The following CFDP1 variants were observed in gnomAD, a reference collection of about 807,000 sequenced individuals.
The protein encoded by CFDP1 is heterochromatin-stabilizing protein CFDP1.
In CFDP1, 31 loss-of-function variants were observed where a neutral mutation model predicts 40.1. The ratio of observed to expected loss-of-function variants is 0.77; its 90% CI spans 0.58 to 1.04. The LOEUF (loss-of-function observed/expected upper bound fraction) is 1.04, where lower values mean the gene tolerates loss of function less well. Among genes scored for constraint, CFDP1 ranks in the 50% least tolerant of loss-of-function variants. The pLI is 0.00. For synonymous variants in CFDP1, 167 were observed against 120.0 expected, an observed-to-expected ratio of 1.39 and a Z score of -2.56; for missense variants, 423 against 343.4, an observed-to-expected ratio of 1.23 and a Z score of -1.83.
intron 1 of CFDP1, among the ~76,000 whole-genome samples, chr16:75,415,157 A>C (rs757388967): frequency 6.6e-6 from 1 of 152,244 alleles, no homozygotes; most frequent in Admixed American, 6.5e-5. Flanking sequence ...TCAATAAAAG[A>C]AGTTTAAAAG....
chr16:75,384,852 C>CAATATATATATATATATATATATA (rs1555561750), intron 5 of CFDP1, among the ~76,000 whole-genome samples: 2 of 119,956 alleles, frequency 1.7e-5, no homozygotes, highest in Non-Finnish European at 3.4e-5. Flanking sequence ...GAAACTAAAA[C>CAATATATATATATATATATATATA]TATATATATA....
chr16:75,369,755 G>A (rs1291029464), intron 5 of CFDP1, among the ~76,000 whole-genome samples: 1 of 151,998 alleles, frequency 6.6e-6, no homozygotes, highest in Non-Finnish European at 1.5e-5. Flanking sequence ...CTTACTTACT[G>A]TATTTATTTG....
At chr16:75,408,131 AGAGG>A (rs1050316266) in intron 4 of CFDP1, among the ~76,000 whole-genome samples, 4 of 137,896 alleles carry the variant, frequency 2.9e-5, no homozygotes, top group Non-Finnish European at 3.1e-5. Context: ...AGGAAGGGAG[AGAGG>A]GAGGGAGGGA....
At chr16:75,326,675 C>T (rs1034353213) in intron 5 of CFDP1, among the ~76,000 whole-genome samples, 9 of 152,086 alleles carry the variant, frequency 5.9e-5, no homozygotes, top group Non-Finnish European at 1.0e-4. Context: ...CTGGTAAGAA[C>T]GTCAGGGATA....
chr16:75,392,190 A>G (rs189416299), intron 5 of CFDP1, among the ~76,000 whole-genome samples: 1 of 151,846 alleles, frequency 6.6e-6, no homozygotes, highest in Non-Finnish European at 1.5e-5. Context: ...TGGATCACGA[A>G]GTCAGGAGTT....
intron 5 of CFDP1, among the ~76,000 whole-genome samples, chr16:75,367,392 G>T (rs952514155): frequency 6.9e-6 from 1 of 145,574 alleles, no homozygotes; most frequent in Non-Finnish European, 1.5e-5. Context: ...ATGTACCTAT[G>T]TAACAAACCT....
chr16:75,368,911 C>T (rs1029901392), intron 5 of CFDP1, among the ~76,000 whole-genome samples: 6 of 152,056 alleles, frequency 3.9e-5, no homozygotes, highest in African/African-American at 1.4e-4. Flanking sequence ...GATACTTACA[C>T]ATTTTCATTG....
At chr16:75,348,836 T>C (rs1042480719) in intron 5 of CFDP1, among the ~76,000 whole-genome samples, 4 of 152,176 alleles carry the variant, frequency 2.6e-5, no homozygotes, top group African/African-American at 9.6e-5. Context: ...CCTATTCTTT[T>C]TGATGCTTTT....
At chr16:75,429,482 C>T (rs573386524) in intron 1 of CFDP1, among the ~76,000 whole-genome samples, 21 of 152,224 alleles carry the variant, frequency 1.4e-4, no homozygotes, top group Non-Finnish European at 2.4e-4. Flanking sequence ...GGTGAAACCC[C>T]GTCTCTACTA....
intron 4 of CFDP1, among the ~76,000 whole-genome samples, chr16:75,398,187 C>T (rs1286800258): frequency 6.6e-6 from 1 of 152,242 alleles, no homozygotes; most frequent in East Asian, 1.9e-4. Flanking sequence ...TGGTGTGCTA[C>T]ACAGCACTAC....
At chr16:75,376,733 G>A (rs1286666585) in intron 5 of CFDP1, among the ~76,000 whole-genome samples, 1 of 152,148 alleles carries the variant, frequency 6.6e-6, no homozygotes, top group Non-Finnish European at 1.5e-5. Flanking sequence ...TTGATGACTA[G>A]CTAAAACAGG....
At chr16:75,428,933 G>A (rs933738617) in intron 1 of CFDP1, among the ~76,000 whole-genome samples, 1 of 151,604 alleles carries the variant, frequency 6.6e-6, no homozygotes, top group Non-Finnish European at 1.5e-5. Flanking sequence ...TGGCCAACAT[G>A]GTGAAATCCC....
chr16:75,319,293 C>T (rs543994893), intron 5 of CFDP1, among the ~76,000 whole-genome samples: 2 of 152,056 alleles, frequency 1.3e-5, no homozygotes, highest in Non-Finnish European at 2.9e-5. Context: ...CCACCTACCT[C>T]GGCCTCCCAA....
chr16:75,401,255 C>G (rs918930363), intron 4 of CFDP1, among the ~76,000 whole-genome samples: 1 of 151,950 alleles, frequency 6.6e-6, no homozygotes, highest in Non-Finnish European at 1.5e-5. Context: ...AGTGAAACCC[C>G]GTCTCTACTA....
chr16:75,432,526 A>G (rs1424987907), intron 1 of CFDP1, among the ~76,000 whole-genome samples: 2 of 151,990 alleles, frequency 1.3e-5, no homozygotes, highest in Non-Finnish European at 2.9e-5. Context: ...ACTCCAGCCT[A>G]GACAACAGCA....
At chr16:75,311,350 C>A (rs997182289) in intron 5 of CFDP1, among the ~76,000 whole-genome samples, 5 of 152,122 alleles carry the variant, frequency 3.3e-5, no homozygotes, top group African/African-American at 1.2e-4. Flanking sequence ...GCTATTTTGC[C>A]CAGGCTGGTC....
At chr16:75,356,902 GCTTT>G (rs369482458) in intron 5 of CFDP1, among the ~76,000 whole-genome samples, 54,574 of 127,546 alleles carry the variant, frequency 0.43, 12,523 homozygotes, top group Admixed American at 0.56. Context: ...GGAAACAGCT[GCTTT>G]CTTTCTTTTT....
At chr16:75,301,566 G>GTTTTTTTTTTT (rs2078222291) in intron 6 of CFDP1, among the ~76,000 whole-genome samples, 1 of 50,922 alleles carries the variant, frequency 2.0e-5, no homozygotes, top group African/African-American at 8.5e-5. Flanking sequence ...TTTTTTTTTG[G>GTTTTTTTTTTT]TAAAGAGACC....
intron 5 of CFDP1, among the ~76,000 whole-genome samples, chr16:75,349,356 A>G (rs941299730): frequency 6.6e-6 from 1 of 151,390 alleles, no homozygotes; most frequent in Non-Finnish European, 1.5e-5. Context: ...CTAAAAATAG[A>G]AAAATTAGCC....
Sources: allele counts gnomAD v4.1 joint callset (sites outside exome capture counted in the v4.1 genomes callset), GRCh38; gene constraint gnomAD v4.1.1; transcripts MANE v1.5; gene names NCBI Gene and HGNC (gene_info 2026-07-23, HGNC 2026-07-21).